The following FUT8 variants were observed in gnomAD, a reference collection of about 807,000 sequenced individuals.
The protein encoded by FUT8 is fucosyltransferase 8, also known as alpha-(1,6)-fucosyltransferase.
Under a neutral mutation model 71.3 loss-of-function variants are expected in FUT8, and 29 were observed. The ratio of observed to expected loss-of-function variants is 0.41; its 90% CI spans 0.30 to 0.55. FUT8 has a LOEUF of 0.55. Among genes scored for constraint, FUT8 ranks in the 20% least tolerant of loss-of-function variants. The pLI is 0.34. For synonymous variants in FUT8, 254 were observed against 239.3 expected, an observed-to-expected ratio of 1.06 and a Z score of -0.57; for missense variants, 544 against 702.1, an observed-to-expected ratio of 0.77 and a Z score of 2.55.
the FUT8 span, among the ~76,000 whole-genome samples, chr14:65,395,789 T>C: frequency 6.6e-6 from 1 of 152,244 alleles, no homozygotes; most frequent in Admixed American, 6.5e-5. Context: ...CCAGCTTGAA[T>C]TTCTCCCCAG....
At chr14:65,508,999 A>G (rs1882158615) in intron 2 of FUT8, among the ~76,000 whole-genome samples, 1 of 152,148 alleles carries the variant, frequency 6.6e-6, no homozygotes, top group African/African-American at 2.4e-5. Context: ...ATCATTGCCC[A>G]GACCGATACC....
intron 1 of FUT8, among the ~76,000 whole-genome samples, chr14:65,431,160 T>TG (rs2065467482): frequency 7.9e-6 from 1 of 126,518 alleles, no homozygotes; most frequent in Non-Finnish European, 1.9e-5. Flanking sequence ...TATACCCGGC[T>TG]AATTTTTTTT....
intron 3 of FUT8, among the ~76,000 whole-genome samples, chr14:65,586,862 T>C (rs1887414825): frequency 1.3e-5 from 2 of 152,160 alleles, no homozygotes; most frequent in South Asian, 2.1e-4. Context: ...TGAGGGGTTT[T>C]CCCCCCTACA....
intron 7 of FUT8, among the ~76,000 whole-genome samples, chr14:65,680,209 G>A (rs910001118): frequency 4.6e-5 from 7 of 152,212 alleles, no homozygotes; most frequent in Non-Finnish European, 1.0e-4. Flanking sequence ...GAGCTAGAGG[G>A]CTGATGGTGT....
chr14:65,504,499 A>G (rs990600659), intron 2 of FUT8, among the ~76,000 whole-genome samples: 2 of 152,208 alleles, frequency 1.3e-5, no homozygotes, highest in Non-Finnish European at 2.9e-5. Flanking sequence ...CATAATTGTC[A>G]TGTGGTTTTG....
At chr14:65,595,602 CTTTTTTTTTTT>C (rs34129010) in intron 3 of FUT8, among the ~76,000 whole-genome samples, 3 of 81,756 alleles carry the variant, frequency 3.7e-5, no homozygotes, top group East Asian at 3.8e-4. Context: ...ACACCATTCT[CTTTTTTTTTTT>C]TTTTTTTTTT....
chr14:65,695,534 A>T (rs946207848), intron 7 of FUT8, among the ~76,000 whole-genome samples: 26 of 152,100 alleles, frequency 1.7e-4, no homozygotes, highest in African/African-American at 3.6e-4. Context: ...ACTTTATTTG[A>T]AATTGGTAGA....
At position 65,700,381 on chromosome 14, in the gene FUT8, G is replaced by GTTTTTTT. The variant is rs763718984; in HGVS notation, c.836-21373_836-21367dup. Reference sequence around the variant, plus strand: ...AAACTACTTTCTTTTCTTTCTTTCTGTTTTTTTTTTTTTTTTTTTTTTTTT... The same window carrying GTTTTTTT: ...AAACTACTTTCTTTTCTTTCTTTCTGTTTTTTTTTTTTTTTTTTTTTTTTTTTTTTTT... On this transcript the variant is annotated intron_variant, in intron 7 of 10. Transcript: ENST00000673929. Among the ~76,000 whole-genome samples the GTTTTTTT allele has an allele frequency of 7.3e-3, 357 of 48,898 alleles. 30 individuals carry two copies. Among genetic ancestry groups the GTTTTTTT allele is most frequent in the Non-Finnish European group, 8.2e-3 (233 of 28,248 alleles). The allele number at this position is 48,898 out of a possible 152,430, so 32.1% of individuals were successfully genotyped here.
chr14:65,464,179 T>G (rs1161318005), intron 2 of FUT8, among the ~76,000 whole-genome samples: 1 of 151,974 alleles, frequency 6.6e-6, no homozygotes, highest in Non-Finnish European at 1.5e-5. Context: ...TACAGAGAGT[T>G]CCCAAATATC....
chr14:65,416,516 T>C (rs1020900153), intron 1 of FUT8, among the ~76,000 whole-genome samples: 11 of 152,288 alleles, frequency 7.2e-5, no homozygotes, highest in Admixed American at 3.3e-4. Flanking sequence ...AAAGGAGATA[T>C]CAACTTCTGG....
chr14:65,616,377 C>A lies in FUT8; in HGVS notation c.482+4C>A. 6.4e-7 allele frequency: 1 copy of A among 1,558,194 alleles called. No homozygotes were observed. ...TGGATTTAGGACATCATGAAAGGTA[C>A]TATTCTCCTTTCACATTTTATTTGG... On this transcript the variant is annotated splice_donor_region_variant and intron_variant, in intron 5 of 10. Transcript: ENST00000673929.
chr14:65,704,634 T>A (rs1293254020), intron 7 of FUT8, among the ~76,000 whole-genome samples: 2 of 152,218 alleles, frequency 1.3e-5, no homozygotes, highest in African/African-American at 2.4e-5. Flanking sequence ...CTGTTGGCAG[T>A]ATCCCCTTTA....
In FUT8 at chr14:65,474,378, G is replaced by A. The variant is rs528370216; in HGVS notation, c.-228+18660G>A. On this transcript the variant is annotated intron_variant, in intron 2 of 10. Transcript: ENST00000673929. ...AGCACTTTGGGAGGCTGAGGCGGGCGGATCACTTGAGGTCAGGAGTTCGGG... is the reference window on the plus strand; with the variant it reads ...AGCACTTTGGGAGGCTGAGGCGGGCAGATCACTTGAGGTCAGGAGTTCGGG... Among the ~76,000 whole-genome samples the A allele has an allele frequency of 1.1e-3, 169 of 147,760 alleles. 1 individual carries two copies. Among genetic ancestry groups the A allele is most frequent in the African/African-American group, 3.8e-3 (151 of 39,802 alleles).
At chr14:65,468,385 T>C (rs548694031) in intron 2 of FUT8, 95 of 423,658 alleles carry the variant, frequency 2.2e-4, no homozygotes, top group Non-Finnish European at 3.1e-4. Flanking sequence ...GGCCGAAAGG[T>C]TGGATTTTTT....
chr14:65,552,156 A>G (rs1566817569), intron 2 of FUT8, among the ~76,000 whole-genome samples: 1 of 152,190 alleles, frequency 6.6e-6, no homozygotes, highest in African/African-American at 2.4e-5. Flanking sequence ...AAAAAATGCA[A>G]TTATTTGTGG....
the FUT8 span, among the ~76,000 whole-genome samples, chr14:65,402,294 G>A: frequency 6.8e-6 from 1 of 148,042 alleles, no homozygotes; most frequent in Non-Finnish European, 1.5e-5. Flanking sequence ...CCTCAACCTT[G>A]GGCTCAAGTT....
At chr14:65,408,876 G>A (rs1269521072), upstream of FUT8, among the ~76,000 whole-genome samples, 1 of 152,186 alleles carries the variant, frequency 6.6e-6, no homozygotes, top group Non-Finnish European at 1.5e-5. Flanking sequence ...TAGCTACTCA[G>A]GAGGCTGAGG....
intron 7 of FUT8, among the ~76,000 whole-genome samples, chr14:65,689,357 T>G (rs1893460912): frequency 6.6e-6 from 1 of 152,224 alleles, no homozygotes; most frequent in Admixed American, 6.5e-5. Context: ...GTTGTTAGCT[T>G]TCTTACTATT....
chr14:65,642,273 T>C (rs1426438059), intron 6 of FUT8, among the ~76,000 whole-genome samples: 1 of 152,180 alleles, frequency 6.6e-6, no homozygotes, highest in Non-Finnish European at 1.5e-5. Flanking sequence ...TCAAAGATTA[T>C]GTCTTTCCTA....
Sources: allele counts gnomAD v4.1 joint callset (sites outside exome capture counted in the v4.1 genomes callset), GRCh38; gene constraint gnomAD v4.1.1; transcripts MANE v1.5; gene names NCBI Gene and HGNC (gene_info 2026-07-23, HGNC 2026-07-21).